DCDC2: variants seen among roughly 807,000 people sequenced by gnomAD.
DCDC2 encodes the protein doublecortin domain containing 2.
Under a neutral mutation model 50.2 loss-of-function variants are expected in DCDC2, and 40 were observed. The ratio of observed to expected loss-of-function variants is 0.80; its 90% CI spans 0.62 to 1.04. The LOEUF (loss-of-function observed/expected upper bound fraction) is 1.04, where lower values mean the gene tolerates loss of function less well. Ranked by LOEUF, DCDC2 falls within the 50% of genes least tolerant of loss-of-function variation. DCDC2 has a pLI of 0.00. For synonymous variants in DCDC2, 234 were observed against 210.6 expected, an observed-to-expected ratio of 1.11 and a Z score of -0.96; for missense variants, 570 against 581.9, an observed-to-expected ratio of 0.98 and a Z score of 0.21.
chr6:24,253,519 T>C (rs998332702), intron 7 of DCDC2, among the ~76,000 whole-genome samples: 2 of 152,166 alleles, frequency 1.3e-5, no homozygotes, highest in African/African-American at 4.8e-5. Flanking sequence ...TATCACTGAG[T>C]GCACTTACAC....
intron 7 of DCDC2, among the ~76,000 whole-genome samples, chr6:24,248,527 A>G (rs1213969224): frequency 6.6e-6 from 1 of 152,236 alleles, no homozygotes; most frequent in African/African-American, 2.4e-5. Context: ...TAGTATTAGT[A>G]TCATTAGTAT....
chr6:24,201,541 G>T (rs1761587590), intron 8 of DCDC2, among the ~76,000 whole-genome samples: 1 of 152,094 alleles, frequency 6.6e-6, no homozygotes, highest in African/African-American at 2.4e-5. Flanking sequence ...ATGCCCACAG[G>T]AGAAAGCAGA....
intron 2 of DCDC2, among the ~76,000 whole-genome samples, chr6:24,347,640 T>C (rs1760291250): frequency 6.6e-6 from 1 of 152,172 alleles, no homozygotes; most frequent in South Asian, 2.1e-4. Context: ...GACTTGAGCG[T>C]CCTTGGATTT....
chr6:24,266,633 C>T (rs898370094), intron 7 of DCDC2, among the ~76,000 whole-genome samples: 6 of 152,032 alleles, frequency 3.9e-5, no homozygotes, highest in African/African-American at 1.4e-4. Context: ...TCATCTCAAC[C>T]CAGTTATTTT....
At chr6:24,377,313 A>C in the DCDC2 span, among the ~76,000 whole-genome samples, 2 of 152,162 alleles carry the variant, frequency 1.3e-5, no homozygotes, top group African/African-American at 4.8e-5. Context: ...TCTGAAACTG[A>C]CTTGCTCAAT....
At chr6:24,284,427 G>A (rs1763547504) in intron 6 of DCDC2, among the ~76,000 whole-genome samples, 2 of 151,704 alleles carry the variant, frequency 1.3e-5, no homozygotes, top group South Asian at 4.2e-4. Context: ...CCAAGATGGT[G>A]AAACCCCGTC....
intron 7 of DCDC2, among the ~76,000 whole-genome samples, chr6:24,206,471 C>A (rs184387178): frequency 2.0e-4 from 30 of 152,294 alleles, no homozygotes; most frequent in African/African-American, 7.2e-4. Context: ...CCTTGAAAAA[C>A]AACCATCATA....
chr6:24,267,985 C>A (rs748371072), intron 7 of DCDC2, among the ~76,000 whole-genome samples: 9 of 152,176 alleles, frequency 5.9e-5, no homozygotes, highest in African/African-American at 2.2e-4. Flanking sequence ...AGTACCCCAA[C>A]GCTTCTCAAG....
chr6:24,183,957 A>T (rs566433563), intron 8 of DCDC2, among the ~76,000 whole-genome samples: 1 of 152,292 alleles, frequency 6.6e-6, no homozygotes, highest in South Asian at 2.1e-4. Flanking sequence ...GGCAAATGGA[A>T]GTGCAAAGGC....
chr6:24,303,378 T>C (rs1759417685), intron 2 of DCDC2, among the ~76,000 whole-genome samples: 1 of 152,034 alleles, frequency 6.6e-6, no homozygotes, highest in African/African-American at 2.4e-5. Context: ...TCACGCACTG[T>C]AGTTGAACCA....
At chr6:24,255,608 C>G (rs1382420139) in intron 7 of DCDC2, among the ~76,000 whole-genome samples, 1 of 151,970 alleles carries the variant, frequency 6.6e-6, no homozygotes, top group Non-Finnish European at 1.5e-5. Flanking sequence ...GCAAACAATA[C>G]AACAGAAAAA....
At chr6:24,227,881 A>G (rs1488361486) in intron 7 of DCDC2, among the ~76,000 whole-genome samples, 1 of 152,218 alleles carries the variant, frequency 6.6e-6, no homozygotes, top group Non-Finnish European at 1.5e-5. Flanking sequence ...CAATTAACCT[A>G]TCAGGACAGG....
intron 5 of DCDC2, among the ~76,000 whole-genome samples, chr6:24,289,374 C>T (rs1699803280): frequency 6.6e-6 from 1 of 152,136 alleles, no homozygotes; most frequent in East Asian, 1.9e-4. Flanking sequence ...TCGTCCTCAC[C>T]AAAAAGTTAA....
intron 6 of DCDC2, among the ~76,000 whole-genome samples, chr6:24,283,337 T>C (rs1170134180): frequency 3.5e-5 from 5 of 142,398 alleles, no homozygotes; most frequent in African/African-American, 1.3e-4. Flanking sequence ...GAATGACTTC[T>C]GGTCTGTCTT....
At chr6:24,317,742 A>G (rs1759697602) in intron 2 of DCDC2, among the ~76,000 whole-genome samples, 1 of 151,948 alleles carries the variant, frequency 6.6e-6, no homozygotes, top group African/African-American at 2.4e-5. Context: ...TTCACAACCT[A>G]TATCAGAGAT....
chr6:24,294,691 C>A (rs1763824097), intron 4 of DCDC2, among the ~76,000 whole-genome samples: 1 of 152,104 alleles, frequency 6.6e-6, no homozygotes. Flanking sequence ...CTACTATGAA[C>A]ACCTCTATGC....
intron 6 of DCDC2, among the ~76,000 whole-genome samples, chr6:24,284,140 G>A (rs777371432): frequency 2.0e-5 from 3 of 152,174 alleles, no homozygotes; most frequent in Non-Finnish European, 4.4e-5. Flanking sequence ...TTGGATCAGC[G>A]AATCAGTCAA....
intron 5 of DCDC2, among the ~76,000 whole-genome samples, chr6:24,290,258 G>A (rs1763715934): frequency 6.6e-6 from 1 of 151,746 alleles, no homozygotes; most frequent in African/African-American, 2.4e-5. Flanking sequence ...CTCCCAGAGT[G>A]CTGGGATTAC....
chr6:24,203,766 C>G (rs1343506427), intron 8 of DCDC2, among the ~76,000 whole-genome samples: 1 of 151,636 alleles, frequency 6.6e-6, no homozygotes, highest in Non-Finnish European at 1.5e-5. Context: ...TCAGAATCTA[C>G]AAGGAACTTA....
Sources: allele counts gnomAD v4.1 joint callset (sites outside exome capture counted in the v4.1 genomes callset), GRCh38; gene constraint gnomAD v4.1.1; transcripts MANE v1.5; gene names NCBI Gene and HGNC (gene_info 2026-07-23, HGNC 2026-07-21).